Variants in NEBL observed in about 807,000 individuals in gnomAD.
NEBL encodes LIM and SH3 protein 2.
In NEBL, 122 loss-of-function variants were observed where a neutral mutation model predicts 140.2. The ratio of observed to expected loss-of-function variants is 0.87; its 90% CI spans 0.75 to 1.01. The LOEUF is 1.01. Among genes scored for constraint, NEBL ranks in the 50% least tolerant of loss-of-function variants. NEBL has a pLI of 0.00. For missense variants in NEBL, 1,365 were observed against 1,231.3 expected, an observed-to-expected ratio of 1.11 and a Z score of -1.62; for synonymous variants, 436 against 398.9, an observed-to-expected ratio of 1.09 and a Z score of -1.11.
chr10:21,230,663 G>A lies in NEBL; in HGVS notation n.348+17258C>T, dbSNP rs995841559. The stretch of plus-strand genomic sequence containing the variant: ...TCTGTCGCCCAGGCTGGAGTGCAGC[G>A]GCGTGATCTTGGTTCACTGCAACCT... On this transcript the variant is annotated intron_variant and non_coding_transcript_variant, in intron 3 of 8. Transcript: ENST00000675702. 1.3e-4 allele frequency among the ~76,000 whole-genome samples: 19 copies of A among 150,284 alleles called. No homozygotes were observed. The South Asian group carries it at 2.3e-3, about 18-fold the overall frequency.
chr10:20,985,731 A>T (rs1282797827), intron 3 of NEBL, among the ~76,000 whole-genome samples: 2 of 152,182 alleles, frequency 1.3e-5, no homozygotes, highest in Non-Finnish European at 2.9e-5. Context: ...TATACTGAAC[A>T]TACAATATTC....
chr10:21,007,264 A>G (rs1838173488), intron 3 of NEBL, among the ~76,000 whole-genome samples: 1 of 152,220 alleles, frequency 6.6e-6, no homozygotes, highest in Non-Finnish European at 1.5e-5. Flanking sequence ...AAGAGCTGGC[A>G]GGGCTGGGCC....
chr10:21,090,430 T>C (rs1836855830), intron 2 of NEBL, among the ~76,000 whole-genome samples: 1 of 152,190 alleles, frequency 6.6e-6, no homozygotes, highest in Non-Finnish European at 1.5e-5. Context: ...TTAGGTATTA[T>C]AAGTAATCTA....
At chr10:21,076,776 T>C (rs2131921930) in intron 2 of NEBL, among the ~76,000 whole-genome samples, 1 of 152,326 alleles carries the variant, frequency 6.6e-6, no homozygotes, top group African/African-American at 2.4e-5. Flanking sequence ...CAAATACTTA[T>C]ATGAGCCCAC....
rs1319355180 is a variant in NEBL at position 20,783,084 on chromosome 10, T to G, written c.*2663A>C. On this transcript the variant is annotated 3_prime_UTR_variant, in exon 28 of 28. Transcript: ENST00000377122. ...TTTAACTCAATTTTTAAAATCTTCT[T>G]TAGCTGTCAGCTTCATGCACGAGAT... 1 of 152,624 alleles carries G rather than the reference T, an allele frequency of 6.6e-6. No individual in the cohort carries two copies. The highest frequency in any genetic ancestry group is 1.5e-5 in the Non-Finnish European group (1 of 68,032). The allele number at this position is 152,624 out of a possible 1,614,324, so 9.5% of individuals were successfully genotyped here. A position where few individuals can be genotyped will look rare whatever the true frequency, so the allele number is the denominator to read the frequency against.
At chr10:20,851,784 C>T (rs970599842) in intron 10 of NEBL, among the ~76,000 whole-genome samples, 5 of 151,870 alleles carry the variant, frequency 3.3e-5, no homozygotes, top group African/African-American at 1.2e-4. Context: ...GACTCCATCT[C>T]AAACAAAAAT....
chr10:20,897,150 C>T lies in NEBL; in HGVS notation c.56G>A (p.Gly19Glu), dbSNP rs727503338. The T allele has an allele frequency of 2.2e-5, 36 of 1,605,866 alleles. 1 individual carries two copies. The Admixed American group carries it at 4.8e-4, about 22-fold the overall frequency. The change falls in exon 1 of 28, where the codon GGG becomes GAG. Residue 19 changes from glycine (G) to glutamate (E), a missense_variant. By Grantham distance (98) the Gly-to-Glu change is moderately conservative. Around this residue, in one of 2 missense-constraint regions of NEBL, gnomAD observed 1,323 missense variants for 1,154.8 expected, o/e 1.15. Coordinates refer to ENST00000377122, the MANE Select transcript of NEBL (RefSeq NM_006393.3). ...CTGGTCTTCTTCATTTTCTTCTTCC[C>T]CTATCTTTTCTTCTTCAGTTTCATC... is the stretch of plus-strand genomic sequence containing the variant. ...IKDETEEEKI[G>E]EEENEEDQVF...
chr10:21,234,149 G>C (rs572129974), intron 3 of NEBL, among the ~76,000 whole-genome samples: 7 of 152,036 alleles, frequency 4.6e-5, no homozygotes, highest in African/African-American at 1.7e-4. Flanking sequence ...TGTTGAAAAG[G>C]GGGTGAGTGG....
chr10:21,288,307 A>G (rs1292659074), intron 1 of NEBL, among the ~76,000 whole-genome samples: 2 of 151,748 alleles, frequency 1.3e-5, no homozygotes, highest in African/African-American at 4.8e-5. Flanking sequence ...GTCTCTACTA[A>G]AACTATGAAA....
chr10:20,953,562 C>G (rs952478875), intron 4 of NEBL, among the ~76,000 whole-genome samples: 5 of 146,264 alleles, frequency 3.4e-5, no homozygotes, highest in Non-Finnish European at 5.9e-5. Context: ...AAAAGAATTC[C>G]CTATGATATA....
At chr10:20,993,860 C>T (rs1452758343) in intron 3 of NEBL, among the ~76,000 whole-genome samples, 1 of 152,136 alleles carries the variant, frequency 6.6e-6, no homozygotes, top group African/African-American at 2.4e-5. Context: ...GCACTGCCAC[C>T]CTAACTAACT....
At chr10:20,811,516 T>C (rs1838136842) in intron 24 of NEBL, among the ~76,000 whole-genome samples, 1 of 152,260 alleles carries the variant, frequency 6.6e-6, no homozygotes, top group Non-Finnish European at 1.5e-5. Context: ...AATGTGATCC[T>C]TTTAAGTAAT....
chr10:20,915,722 G>A (rs886600259), intron 4 of NEBL, among the ~76,000 whole-genome samples: 4 of 152,164 alleles, frequency 2.6e-5, no homozygotes, highest in African/African-American at 4.8e-5. Context: ...ACATACATGT[G>A]CATGTGTCTT....
chr10:20,979,081 C>T (rs557856783), intron 3 of NEBL, among the ~76,000 whole-genome samples: 1 of 151,634 alleles, frequency 6.6e-6, no homozygotes, highest in Non-Finnish European at 1.5e-5. Flanking sequence ...AAAAAAAAAG[C>T]AAGCTGGAGG....
chr10:20,817,667 C>T lies in NEBL; in HGVS notation c.2081G>A (p.Arg694Gln), dbSNP rs1443675600. Residue 694 changes from arginine to glutamine, a missense_variant, in exon 21 of 28, where the codon CGG becomes CAG. Arg to Gln is a conservative substitution (Grantham distance 43). Coordinates refer to ENST00000377122, the MANE Select transcript of NEBL (RefSeq NM_006393.3). ...TGGTGGATCAGAAATTGCAGTTCCC[C>T]GTTGAAGTTCTCCCTTATATTTTAC... ...SAVKYKGELQ[R>Q]GTAISDPPEL... 5.6e-6 allele frequency: 9 copies of T among 1,613,358 alleles called. No homozygotes were observed. The highest frequency in any genetic ancestry group is 2.2e-5 in the East Asian group (1 of 44,862).
chr10:20,972,131 A>G (rs894583001), intron 3 of NEBL, among the ~76,000 whole-genome samples: 1 of 152,236 alleles, frequency 6.6e-6, no homozygotes, highest in Admixed American at 6.5e-5. Flanking sequence ...AAGAAACAGG[A>G]TAAACCCAGA....
intron 1 of NEBL, among the ~76,000 whole-genome samples, chr10:21,269,670 G>T (rs1381721730): frequency 6.6e-6 from 1 of 152,178 alleles, no homozygotes. Flanking sequence ...GAATATAATT[G>T]CATCAGGCTG....
At chr10:21,088,767 A>C (rs1484681169) in intron 2 of NEBL, among the ~76,000 whole-genome samples, 1 of 152,216 alleles carries the variant, frequency 6.6e-6, no homozygotes, top group Non-Finnish European at 1.5e-5. Flanking sequence ...AACATTCTGG[A>C]CAACCACTAC....
At chr10:20,895,952 A>C (rs788969) in intron 2 of NEBL, among the ~76,000 whole-genome samples, 144,896 of 152,246 alleles carry the variant, frequency 0.95, 69,205 homozygotes, top group Middle Eastern at 1. Context: ...GGATGGAGCC[A>C]AGCCAGGTTC....
Sources: allele counts gnomAD v4.1 joint callset (sites outside exome capture counted in the v4.1 genomes callset), GRCh38; gene constraint gnomAD v4.1.1; regional missense constraint gnomAD v4.1.1; transcripts MANE v1.5; gene names NCBI Gene and HGNC (gene_info 2026-07-23, HGNC 2026-07-21).